ADAMTS2: variants seen among roughly 807,000 people sequenced by gnomAD.
ADAMTS2 encodes the protein A disintegrin and metalloproteinase with thrombospondin motifs 2.
Under a neutral mutation model 123.0 loss-of-function variants are expected in ADAMTS2, and 50 were observed. That is an observed-to-expected ratio of 0.41 (90% CI 0.32 to 0.51). ADAMTS2 has a LOEUF of 0.51. Ranked by LOEUF, ADAMTS2 falls within the 20% of genes least tolerant of loss-of-function variation. The pLI is 0.35. For synonymous variants in ADAMTS2, 678 were observed against 695.4 expected, an observed-to-expected ratio of 0.98 and a Z score of 0.39; for missense variants, 1,494 against 1,705.2, an observed-to-expected ratio of 0.88 and a Z score of 2.18.
intron 5 of ADAMTS2, among the ~76,000 whole-genome samples, chr5:179,171,073 T>C (rs1485559284): frequency 2.0e-5 from 3 of 152,222 alleles, no homozygotes; most frequent in African/African-American, 7.2e-5. Flanking sequence ...ATAATAAAAA[T>C]CCAGACCTAG....
At chr5:179,193,215 A>C (rs1764346454) in intron 4 of ADAMTS2, among the ~76,000 whole-genome samples, 1 of 152,150 alleles carries the variant, frequency 6.6e-6, no homozygotes, top group East Asian at 1.9e-4. Context: ...ATGAGAAAAA[A>C]GCTTGTCCAG....
intron 3 of ADAMTS2, among the ~76,000 whole-genome samples, chr5:179,266,231 G>T (rs777083962): frequency 1.3e-5 from 2 of 152,192 alleles, no homozygotes; most frequent in African/African-American, 4.8e-5. Flanking sequence ...ACCCCCGGAC[G>T]TCCATGTCCT....
chr5:179,221,471 C>G (rs1765124115), intron 3 of ADAMTS2, among the ~76,000 whole-genome samples: 1 of 152,172 alleles, frequency 6.6e-6, no homozygotes. Flanking sequence ...GTCGTGGCAC[C>G]AAGCACAGTC....
In ADAMTS2 at chr5:179,202,251, G is replaced by A. The variant is rs1258902534; in HGVS notation, c.891+5262C>T. 2.0e-5 allele frequency among the ~76,000 whole-genome samples: 3 copies of A among 151,684 alleles called. No individual in the cohort carries two copies. The highest frequency in any genetic ancestry group is 2.9e-5 in the Non-Finnish European group (2 of 67,944). ...CCAGGCTGCCTCCATTCTTCCAGCC[G>A]GCCCCATTCCTGCCTCAGGGCCTTG... is the stretch of plus-strand genomic sequence containing the variant. On this transcript the variant is annotated intron_variant, in intron 4 of 21. Coordinates refer to ENST00000251582, the MANE Select transcript of ADAMTS2 (RefSeq NM_014244.5). This position sits in a 1 kb window ranked among gnomAD's most constrained non-coding sequence, Gnocchi z 4.0.
intron 2 of ADAMTS2, among the ~76,000 whole-genome samples, chr5:179,337,985 G>A (rs541738494): frequency 4.6e-5 from 7 of 152,158 alleles, no homozygotes; most frequent in Admixed American, 3.3e-4. Flanking sequence ...ATTCACTCAG[G>A]CATGACTCGC....
chr5:179,277,372 AGACCAAAGGCTGACCCCCC>A (rs1766736881), intron 2 of ADAMTS2, among the ~76,000 whole-genome samples: 2 of 11,220 alleles, frequency 1.8e-4, no homozygotes, highest in Non-Finnish European at 3.2e-4. Flanking sequence ...ACACCCCCCG[AGACCAAAGGCTGACCCCCC>A]CCCCGAGACC....
In ADAMTS2 at chr5:179,207,495, C is replaced by T. The variant is rs1460571116; in HGVS notation, c.891+18G>A. On this transcript the variant is annotated intron_variant, in intron 4 of 21. Coordinates refer to ENST00000251582, the MANE Select transcript of ADAMTS2 (RefSeq NM_014244.5). ...GACCCTCCCCGCCCCACCCTGCCCC[C>T]TCAGCCACCCCACTCACAATGTTCA... The T allele has an allele frequency of 6.5e-7, 1 of 1,532,630 alleles. No homozygotes were observed. The highest frequency in any genetic ancestry group is 1.4e-5 in the African/African-American group (1 of 73,176). 94.9% of individuals were successfully genotyped at this position (1,532,630 alleles called of 1,614,324 possible). A position where few individuals can be genotyped will look rare whatever the true frequency, so the allele number is the denominator to read the frequency against.
chr5:179,199,522 C>T (rs933417985), intron 4 of ADAMTS2, among the ~76,000 whole-genome samples: 12 of 152,284 alleles, frequency 7.9e-5, no homozygotes, highest in East Asian at 1.9e-4. Flanking sequence ...AGGAAGGGGG[C>T]GTGCCTGGCT....
At chr5:179,249,878 C>T (rs1231948104) in intron 3 of ADAMTS2, among the ~76,000 whole-genome samples, 4 of 152,168 alleles carry the variant, frequency 2.6e-5, no homozygotes, top group Non-Finnish European at 4.4e-5. Flanking sequence ...CGAAACCAGA[C>T]AAAAACATCA....
Position 179,345,439 on chromosome 5 carries a change from G to A in ADAMTS2, c.-111C>T, listed in dbSNP as rs1203391513. On this transcript the variant is annotated 5_prime_UTR_variant, in exon 1 of 22. Coordinates refer to ENST00000251582, the MANE Select transcript of ADAMTS2 (RefSeq NM_014244.5). This position sits in a 1 kb window ranked among gnomAD's most constrained non-coding sequence, Gnocchi z 7.5. Reference sequence around the variant, plus strand: ...TGGAGCCGCCCGCAGCTGCAGCACCGCAGGGCGCGGGGCGGAGGAGGCGAG... The same window carrying A: ...TGGAGCCGCCCGCAGCTGCAGCACCACAGGGCGCGGGGCGGAGGAGGCGAG... 46 of 971,840 alleles carry A rather than the reference G, an allele frequency of 4.7e-5. No individual in the cohort carries two copies. Among genetic ancestry groups the A allele is most frequent in the Non-Finnish European group, 5.5e-5 (44 of 801,754 alleles). The allele number at this position is 971,840 out of a possible 1,614,324, so 60.2% of individuals were successfully genotyped here.
chr5:179,286,258 T>TC (rs1406877857), intron 2 of ADAMTS2, among the ~76,000 whole-genome samples: 1 of 135,316 alleles, frequency 7.4e-6, no homozygotes, highest in Non-Finnish European at 1.6e-5. Flanking sequence ...CGACAGGCCC[T>TC]CCCCTGGGCT....
intron 11 of ADAMTS2, among the ~76,000 whole-genome samples, chr5:179,138,211 T>C (rs1265004704): frequency 6.6e-6 from 1 of 152,144 alleles, no homozygotes; most frequent in Non-Finnish European, 1.5e-5. Flanking sequence ...GGAGGCAGCA[T>C]CTGCTCACAG....
At chr5:179,325,894 G>A (rs1052121990) in intron 2 of ADAMTS2, among the ~76,000 whole-genome samples, 2 of 152,252 alleles carry the variant, frequency 1.3e-5, no homozygotes, top group Admixed American at 1.3e-4. Context: ...GCACAGGTGT[G>A]GATGGGAGGA....
At chr5:179,250,673 T>C (rs1765898839) in intron 3 of ADAMTS2, among the ~76,000 whole-genome samples, 2 of 152,236 alleles carry the variant, frequency 1.3e-5, no homozygotes, top group African/African-American at 4.8e-5. Context: ...GCTTTCTGGC[T>C]GTCCAGTGTT....
intron 5 of ADAMTS2, among the ~76,000 whole-genome samples, chr5:179,174,330 T>C (rs2113298541): frequency 6.6e-6 from 1 of 152,310 alleles, no homozygotes. Context: ...ATTTATCACA[T>C]TGCAAATGTT....
intron 3 of ADAMTS2, among the ~76,000 whole-genome samples, chr5:179,257,089 C>G (rs1766076240): frequency 6.6e-6 from 1 of 152,208 alleles, no homozygotes; most frequent in Admixed American, 6.5e-5. Context: ...TCCCCGGGGT[C>G]TCTGTCACCA....
intron 3 of ADAMTS2, among the ~76,000 whole-genome samples, chr5:179,247,626 C>T (rs927648931): frequency 2.0e-5 from 3 of 152,034 alleles, no homozygotes; most frequent in African/African-American, 4.8e-5. Flanking sequence ...TTGAAATCCA[C>T]GAGAGAGGAG....
intron 19 of ADAMTS2, among the ~76,000 whole-genome samples, chr5:179,123,952 G>A (rs1360052340): frequency 6.6e-6 from 1 of 152,234 alleles, no homozygotes; most frequent in Non-Finnish European, 1.5e-5. Flanking sequence ...TGGACGCCCA[G>A]GCTCTGGTGG....
intron 2 of ADAMTS2, among the ~76,000 whole-genome samples, chr5:179,320,576 C>A (rs145911551): frequency 1.3e-5 from 2 of 152,010 alleles, no homozygotes; most frequent in Non-Finnish European, 2.9e-5. Context: ...CCTCAGCCTC[C>A]CAAAGTGCTG....
Sources: allele counts gnomAD v4.1 joint callset (sites outside exome capture counted in the v4.1 genomes callset), GRCh38; gene constraint gnomAD v4.1.1; non-coding constraint Gnocchi (gnomAD v3.1); transcripts MANE v1.5; gene names NCBI Gene and HGNC (gene_info 2026-07-23, HGNC 2026-07-21).